Variants in CMYA5 observed in about 807,000 individuals in gnomAD.
The protein encoded by CMYA5 is cardiomyopathy-associated protein 5.
CMYA5 carries 246 observed loss-of-function variants against 318.9 expected under a neutral mutation model. The observed-to-expected ratio is 0.77, with a 90% CI of 0.70 to 0.86. CMYA5 has a LOEUF of 0.86. Ranked by LOEUF, CMYA5 falls within the 40% of genes least tolerant of loss-of-function variation. CMYA5 has a pLI of 0.00. For synonymous variants in CMYA5, 1,641 were observed against 1,729.5 expected (o/e 0.95, Z 1.27); for missense variants, 4,589 against 4,678.2 (o/e 0.98, Z 0.56).
In CMYA5 at chr5:79,731,877, T is replaced by G; in HGVS notation, c.3112T>G (p.Phe1038Val). The G allele has an allele frequency of 9.3e-6, 15 of 1,613,460 alleles. No individual in the cohort carries two copies. The highest frequency in any genetic ancestry group is 1.3e-5 in the Non-Finnish European group (15 of 1,179,730). ...AGTGTCTGCTTCAGGTTATTCCTGCTTTTCAGAAGCAGATGAGGAAGACAT... is the reference window on the plus strand; with the variant it reads ...AGTGTCTGCTTCAGGTTATTCCTGCGTTTCAGAAGCAGATGAGGAAGACAT... ...TAVSASGYSC[F>V]SEADEEDIGS... The change falls in exon 2 of 13, where the codon TTT (phenylalanine) becomes GTT (valine). Residue 1038 changes from phenylalanine (F) to valine (V), a missense_variant. Transcript: ENST00000446378.
In CMYA5 at chr5:79,799,701, C is replaced by A; in HGVS notation, c.*85C>A. On this transcript the variant is annotated 3_prime_UTR_variant, in exon 13 of 13. Transcript: ENST00000446378. Reference sequence around the variant, plus strand: ...ATTCCTTTAGGTGCTATACATTATTCAAAAAGTCTCCCGCGCATTTGCACT... The same window carrying A: ...ATTCCTTTAGGTGCTATACATTATTAAAAAAGTCTCCCGCGCATTTGCACT... 6.8e-7 allele frequency: 1 copy of A among 1,471,086 alleles called. No homozygotes were observed. Among genetic ancestry groups the A allele is most frequent in the Non-Finnish European group, 9.1e-7 (1 of 1,103,076 alleles). The allele number at this position is 1,471,086 out of a possible 1,614,324, so 91.1% of individuals were successfully genotyped here.
At chr5:79,750,112 A>T (rs1044172315) in intron 5 of CMYA5, among the ~76,000 whole-genome samples, 1 of 152,120 alleles carries the variant, frequency 6.6e-6, no homozygotes, top group African/African-American at 2.4e-5. Flanking sequence ...TGCTCCCCAG[A>T]AACAGAGAAA....
Position 79,733,833 on chromosome 5 carries a change from G to C in CMYA5, c.5068G>C (p.Ala1690Pro), listed in dbSNP as rs1827981477. Residue 1690 changes from alanine (A) to proline (P), a missense_variant, in exon 2 of 13, where the codon GCA (alanine) becomes CCA (proline). Physicochemically the swap from Ala to Pro is conservative, Grantham distance 27 (BLOSUM62 -1). Coordinates refer to ENST00000446378, the MANE Select transcript of CMYA5 (RefSeq NM_153610.5). ...EGKEENRELC[A>P]SSTMPAISEL... ...AAAAGAAGAAAATAGAGAGCTTTGT[G>C]CATCTTCTACGATGCCTGCAATTTC... The C allele has an allele frequency of 3.7e-6, 6 of 1,613,552 alleles. No individual in the cohort carries two copies. The highest frequency in any genetic ancestry group is 5.1e-6 in the Non-Finnish European group (6 of 1,179,808).
At chr5:79,748,606 G>A (rs1462979127) in intron 5 of CMYA5, among the ~76,000 whole-genome samples, 1 of 151,872 alleles carries the variant, frequency 6.6e-6, no homozygotes, top group Non-Finnish European at 1.5e-5. Context: ...GCAGTGGCAC[G>A]ATCTTGGCTC....
At position 79,735,766 on chromosome 5, in the gene CMYA5, C is replaced by T. The variant is rs750887444; in HGVS notation, c.7001C>T (p.Thr2334Ile). The T allele has an allele frequency of 1.9e-6, 3 of 1,571,600 alleles. No homozygotes were observed. Among genetic ancestry groups the T allele is most frequent in the Non-Finnish European group, 2.6e-6 (3 of 1,165,594 alleles). The change falls in exon 2 of 13, where the codon ACT becomes ATT. Residue 2334 changes from threonine (T) to isoleucine (I), a missense_variant. Around this residue, in one of 3 missense-constraint regions of CMYA5, gnomAD observed 2,431 missense variants for 2,495.1 expected, o/e 0.97. Transcript: ENST00000446378. ...AAATTGGTTATGGAAGAAGCCAAAA[C>T]TATTGTTCCTCCTCATGTTACTGAT... is the stretch of plus-strand genomic sequence containing the variant. ...GEKLVMEEAKTIVPPHVTDSK... is the reference protein window; with the variant it reads ...GEKLVMEEAKIIVPPHVTDSK...
rs1580807905 is a variant in CMYA5 at position 79,788,993 on chromosome 5, C to G, written c.11578C>G (p.Leu3860Val). ...GLRSFSGIKGLQLKVNLQPND... is the reference protein window; with the variant it reads ...GLRSFSGIKGVQLKVNLQPND... ...TAGATCTTTCTCTGGAATCAAAGGA[C>G]TCCAGCTGAAAGTTAACCTCCAACC... The change falls in exon 10 of 13, where the codon CTC (leucine) becomes GTC (valine). Residue 3860 changes from leucine (L) to valine (V), a missense_variant. Around this residue, in one of 3 missense-constraint regions of CMYA5, gnomAD observed 2,431 missense variants for 2,495.1 expected, o/e 0.97. Coordinates refer to ENST00000446378, the MANE Select transcript of CMYA5 (RefSeq NM_153610.5). 4 of 1,613,454 alleles carry G rather than the reference C, an allele frequency of 2.5e-6. No homozygotes were observed. Among genetic ancestry groups the G allele is most frequent in the Non-Finnish European group, 3.4e-6 (4 of 1,179,584 alleles).
At chr5:79,769,809 C>T (rs1006419761) in intron 9 of CMYA5, among the ~76,000 whole-genome samples, 2 of 152,200 alleles carry the variant, frequency 1.3e-5, no homozygotes, top group African/African-American at 2.4e-5. Context: ...GCAGTCTGTC[C>T]CTTAGCAGAG....
In CMYA5 at chr5:79,736,541, A is replaced by G. The variant is rs1358445063; in HGVS notation, c.7776A>G (p.Thr2592=). Residue 2592 remains threonine (T), a synonymous_variant, in exon 2 of 13, where the codon ACA becomes ACG. Transcript: ENST00000446378. ...ETQSFSLVKA[T]SVTEKSEAML... ...AATCATTTTCATTAGTTAAAGCTAC[A>G]TCAGTTACTGAAAAATCAGAAGCCA... 2.5e-6 allele frequency: 4 copies of G among 1,613,672 alleles called. No homozygotes were observed. In the South Asian group the frequency reaches 4.4e-5, roughly 18 times the overall value.
Position 79,729,254 on chromosome 5 carries a change from A to G in CMYA5, c.489A>G (p.Thr163=), listed in dbSNP as rs769716466. 6 of 1,611,940 alleles carry G rather than the reference A, an allele frequency of 3.7e-6. No homozygotes were observed. The highest frequency in any genetic ancestry group is 5.1e-6 in the Non-Finnish European group (6 of 1,179,376). The stretch of plus-strand genomic sequence containing the variant: ...CTTTTGAATCCCAAGATGTTCCAAC[A>G]AACAAAAAAGGCAGTCCTTTAACTT... ...RNSFESQDVP[T]NKKGSPLTSA... Residue 163 remains threonine (T), a synonymous_variant, in exon 2 of 13, where the codon ACA becomes ACG. Coordinates refer to ENST00000446378, the MANE Select transcript of CMYA5 (RefSeq NM_153610.5).
chr5:79,725,958 G>T (rs1158401282), intron 1 of CMYA5, among the ~76,000 whole-genome samples: 1 of 152,176 alleles, frequency 6.6e-6, no homozygotes. Context: ...ATGTTTGGTT[G>T]TCTCTCCATA....
intron 3 of CMYA5, among the ~76,000 whole-genome samples, 151 bp from the exon 4 acceptor site, chr5:79,745,070 AG>A (rs1333213917): frequency 6.6e-6 from 1 of 152,012 alleles, no homozygotes; most frequent in Non-Finnish European, 1.5e-5. Context: ...AGGGATTGGT[AG>A]GTTAGAAATT....
chr5:79,772,267 G>A (rs898250420), intron 9 of CMYA5, among the ~76,000 whole-genome samples: 2 of 152,144 alleles, frequency 1.3e-5, no homozygotes, highest in South Asian at 2.1e-4. Context: ...ATTAGGGGCC[G>A]GCTAAGCAAA....
rs760394680 is a variant in CMYA5 at position 79,735,955 on chromosome 5, GT to G, written c.7191del (p.Ser2397ArgfsTer18). ...AAATCAGCTTCCTCCAACTTTGCAA[GT>G]AAAAATATCACAAAGGAATCAGAGA... ...QPKSASSNFA[S>X]KNITKESEKP... On this transcript the variant is annotated frameshift_variant, in exon 2 of 13. Coordinates refer to ENST00000446378, the MANE Select transcript of CMYA5 (RefSeq NM_153610.5). LOFTEE classifies it high-confidence loss of function. The G allele has an allele frequency of 6.2e-7, 1 of 1,612,102 alleles. No individual in the cohort carries two copies. The highest frequency in any genetic ancestry group is 8.5e-7 in the Non-Finnish European group (1 of 1,179,374).
Position 79,791,054 on chromosome 5 carries a change from G to A in CMYA5, c.11774G>A (p.Arg3925Lys), listed in dbSNP as rs1489074212. Reference sequence around the variant, plus strand: ...GGGACAGTGATCAGCTTTGGTGAGAGGAGACGGCTGACGGAGTAAGTAGAA... The same window carrying A: ...GGGACAGTGATCAGCTTTGGTGAGAAGAGACGGCTGACGGAGTAAGTAGAA... ...SSGTVISFGE[R>K]RRLTEIPSVL... Residue 3925 changes from arginine (R) to lysine (K), a missense_variant, in exon 11 of 13, where the codon AGG becomes AAG. Arg to Lys is a conservative substitution (Grantham distance 26). Around this residue, in one of 3 missense-constraint regions of CMYA5, gnomAD observed 2,431 missense variants for 2,495.1 expected, o/e 0.97. Coordinates refer to ENST00000446378, the MANE Select transcript of CMYA5 (RefSeq NM_153610.5). The A allele has an allele frequency of 1.9e-6, 3 of 1,613,022 alleles. No homozygotes were observed. The East Asian group carries it at 6.7e-5, about 36-fold the overall frequency.
chr5:79,711,448 G>C (rs989002396), intron 1 of CMYA5, among the ~76,000 whole-genome samples: 8 of 152,230 alleles, frequency 5.3e-5, no homozygotes, highest in African/African-American at 1.9e-4. Context: ...TGCTTGGAAA[G>C]TTGAAGAGGA....
In CMYA5 at chr5:79,701,090, C is replaced by CCAAAAAAAAAA. The variant is rs55791310; in HGVS notation, c.149+11034_149+11035insCAAAAAAAAAA. On this transcript the variant is annotated intron_variant, in intron 1 of 12. Coordinates refer to ENST00000446378, the MANE Select transcript of CMYA5 (RefSeq NM_153610.5). ...TGAAACCCCATCTCTACTAAAAATA[C>CCAAAAAAAAAA]AAAAAAAAAAAAAAAAAATTAGCCG... Among the ~76,000 whole-genome samples, 36 of 114,924 alleles carry CCAAAAAAAAAA rather than the reference C, an allele frequency of 3.1e-4. 1 individual carries two copies. The highest frequency in any genetic ancestry group is 1.0e-3 in the East Asian group (4 of 3,990). The allele number at this position is 114,924 out of a possible 152,430, so 75.4% of individuals were successfully genotyped here.
At chr5:79,749,443 G>A (rs1019509238) in intron 5 of CMYA5, among the ~76,000 whole-genome samples, 1 of 152,060 alleles carries the variant, frequency 6.6e-6, no homozygotes, top group Non-Finnish European at 1.5e-5. Flanking sequence ...TGAACAACAC[G>A]AGTTTGGACT....
intron 9 of CMYA5, 129 bp from the exon 10 acceptor site, chr5:79,788,842 G>C (rs1235064661): frequency 1.2e-5 from 11 of 885,350 alleles, no homozygotes; most frequent in Non-Finnish European, 1.2e-5. Context: ...CTAATCCAGT[G>C]GTCATAAAAG....
At chr5:79,771,891 T>A (rs1256517773) in intron 9 of CMYA5, among the ~76,000 whole-genome samples, 4 of 152,158 alleles carry the variant, frequency 2.6e-5, no homozygotes, top group Non-Finnish European at 5.9e-5. Context: ...GACTGGGTGG[T>A]ACCATGCATC....
Sources: gnomAD v4.1 joint callset for allele counts (sites outside exome capture counted in the v4.1 genomes callset) on GRCh38, gnomAD v4.1.1 for gene constraint, gnomAD v4.1.1 regional missense constraint, MANE v1.5 for transcripts, NCBI Gene and HGNC (gene_info 2026-07-23, HGNC 2026-07-21) for gene names.